Variants in VPS13D observed in about 807,000 individuals in gnomAD.
The protein encoded by VPS13D is intermembrane lipid transfer protein VPS13D.
A neutral mutation model predicts 461.9 loss-of-function variants in VPS13D; 187 were observed. The ratio of observed to expected loss-of-function variants is 0.40; its 90% CI spans 0.36 to 0.46. The LOEUF is 0.46. VPS13D is among the 20% of genes least tolerant of loss of function. The pLI, the probability that VPS13D is intolerant of heterozygous loss-of-function variation, is 0.60. For synonymous variants in VPS13D, 1,951 were observed against 1,986.3 expected (o/e 0.98, Z 0.47); for missense variants, 4,711 against 5,364.9 (o/e 0.88, Z 3.81).
Position 12,329,908 on chromosome 1 carries a change from T to C in VPS13D, c.8277T>C (p.Arg2759=). 1 of 1,613,536 alleles carries C rather than the reference T, an allele frequency of 6.2e-7. No homozygotes were observed. Among genetic ancestry groups the C allele is most frequent in the Non-Finnish European group, 8.5e-7 (1 of 1,179,708 alleles). ...CCCTTTCTGGAGATTATTATAACCG[T>C]GCTCTTTCAGGTCAGTATAAAGCAT... ...HFTLSGDYYN[R]ALSGWEPFIE... Residue 2759 remains arginine, a synonymous_variant, in exon 37 of 70, where the codon CGT becomes CGC. Coordinates refer to ENST00000620676, the MANE Select transcript of VPS13D (RefSeq NM_015378.4).
chr1:12,339,764 C>T (rs1002127142), intron 40 of VPS13D, among the ~76,000 whole-genome samples: 1 of 152,188 alleles, frequency 6.6e-6, no homozygotes, highest in South Asian at 2.1e-4. Flanking sequence ...AAGCCTGTGC[C>T]ATTATGTCTC....
intron 16 of VPS13D, among the ~76,000 whole-genome samples, chr1:12,269,129 TTTTCA>T: frequency 6.6e-6 from 1 of 152,362 alleles, no homozygotes; most frequent in South Asian, 2.1e-4. Context: ...TTTTTCATAC[TTTTCA>T]TTTCTGTTTT....
At chr1:12,425,826 G>GT (rs1039117268) in intron 65 of VPS13D, among the ~76,000 whole-genome samples, 3 of 152,050 alleles carry the variant, frequency 2.0e-5, no homozygotes, top group African/African-American at 7.2e-5. Flanking sequence ...GGAGCTAGAA[G>GT]TTTTCAAAAA....
intron 3 of VPS13D, 45 bp downstream of exon 3, chr1:12,242,635 G>T: frequency 6.5e-7 from 1 of 1,535,404 alleles, no homozygotes. Context: ...GTCTTAAATT[G>T]TTTGAGAGGT....
Position 12,349,329 on chromosome 1 carries a change from A to G in VPS13D, c.9386A>G (p.Lys3129Arg). ...VVKTAEISSS[K>R]RECHSMDTEK... ...AAGACTGCAGAAATTAGTAGCAGTA[A>G]ACGAGAGTGCCACTCTATGGACACA... is the stretch of plus-strand genomic sequence containing the variant. Residue 3129 changes from lysine (K) to arginine (R), a missense_variant, in exon 46 of 70, where the codon AAA becomes AGA. Physicochemically the swap from Lys to Arg is conservative, Grantham distance 26. Transcript: ENST00000620676. 1 of 1,614,210 alleles carries G rather than the reference A, an allele frequency of 6.2e-7. No homozygotes were observed. Among genetic ancestry groups the G allele is most frequent in the African/African-American group, 1.3e-5 (1 of 75,038 alleles).
intron 68 of VPS13D, chr1:12,499,898 A>T: frequency 1.0e-6 from 1 of 985,430 alleles, no homozygotes; most frequent in African/African-American, 1.7e-5. Flanking sequence ...GCGCCAAATT[A>T]TACCTCTGAC....
intron 60 of VPS13D, among the ~76,000 whole-genome samples, chr1:12,396,087 A>G (rs1163632441): frequency 6.7e-5 from 10 of 149,450 alleles, no homozygotes; most frequent in Non-Finnish European, 1.5e-4. Flanking sequence ...GGAGAAAAAG[A>G]GAAGACATAG....
intron 57 of VPS13D, among the ~76,000 whole-genome samples, chr1:12,382,024 CCTTTCTTTCT>C (rs1644288927): frequency 7.0e-6 from 1 of 142,154 alleles, no homozygotes; most frequent in Non-Finnish European, 1.5e-5. Flanking sequence ...TTCCTTCCTT[CCTTTCTTTCT>C]CTTTCTTTCT....
At chr1:12,386,389 A>G (rs1016591771) in intron 60 of VPS13D, 55 bp downstream of exon 60, 30 of 1,520,610 alleles carry the variant, frequency 2.0e-5, no homozygotes, top group African/African-American at 2.8e-5. Context: ...TGATCACCCA[A>G]CCAGATCTAA....
At position 12,509,206 on chromosome 1, in the gene VPS13D, C is replaced by A; in HGVS notation, c.*182C>A. ...ATGGAAATCGTATTAATTTGTGAGG[C>A]AGGGAGTTATTTTAGATTATGGGAA... is the stretch of plus-strand genomic sequence containing the variant. On this transcript the variant is annotated 3_prime_UTR_variant, in exon 70 of 70. Transcript: ENST00000620676. 1.4e-6 allele frequency: 1 copy of A among 697,518 alleles called. No homozygotes were observed. Among genetic ancestry groups the A allele is most frequent in the Non-Finnish European group, 2.2e-6 (1 of 452,862 alleles). 43.2% of individuals were successfully genotyped at this position (697,518 alleles called of 1,614,324 possible).
chr1:12,436,326 G>C (rs535896788), intron 65 of VPS13D, among the ~76,000 whole-genome samples: 37 of 152,360 alleles, frequency 2.4e-4, no homozygotes, highest in African/African-American at 8.7e-4. Context: ...AGTCCAAGGA[G>C]ATGCTTGCCA....
intron 2 of VPS13D, among the ~76,000 whole-genome samples, chr1:12,235,880 A>G (rs756697626): frequency 1.4e-4 from 21 of 152,250 alleles, no homozygotes; most frequent in Non-Finnish European, 2.4e-4. Context: ...CGTATAGATA[A>G]CAGGGCCTAG....
intron 26 of VPS13D, 94 bp downstream of exon 26, chr1:12,304,822 A>G (rs964765958): frequency 1.6e-6 from 2 of 1,230,982 alleles, no homozygotes; most frequent in African/African-American, 1.5e-5. Flanking sequence ...GTTCAAGCAA[A>G]TGTTAACGAA....
chr1:12,249,523 A>C, intron 6 of VPS13D, 184 bp downstream of exon 6: 1 of 472,556 alleles, frequency 2.1e-6, no homozygotes, highest in East Asian at 3.6e-5. Context: ...GAAACAGGTA[A>C]TTTTCTCTGA....
At chr1:12,282,593 G>C in intron 20 of VPS13D, 112 bp from the exon 21 acceptor site, 1 of 1,031,802 alleles carries the variant, frequency 9.7e-7, no homozygotes, top group East Asian at 2.4e-5. Flanking sequence ...TTTGCTATCA[G>C]GTAACTTACA....
intron 60 of VPS13D, 74 bp downstream of exon 60, chr1:12,386,408 G>A: frequency 6.8e-7 from 1 of 1,460,082 alleles, no homozygotes; most frequent in South Asian, 1.4e-5. Context: ...AATGTTTGAT[G>A]TTCTAAGAAC....
chr1:12,411,968 G>A (rs1230159432), intron 63 of VPS13D, among the ~76,000 whole-genome samples: 12 of 152,172 alleles, frequency 7.9e-5, no homozygotes, highest in African/African-American at 2.7e-4. Flanking sequence ...TATATCTCTC[G>A]CATCCTATTG....
In VPS13D at chr1:12,460,241, G is replaced by A. The variant is rs1263334689; in HGVS notation, c.12507G>A (p.Val4169=). Residue 4169 remains valine, a synonymous_variant, in exon 67 of 70, where the codon GTG becomes GTA. Coordinates refer to ENST00000620676, the MANE Select transcript of VPS13D (RefSeq NM_015378.4). The part of the protein sequence containing the change: ...GGLTSVITST[V]EGVKTEGGVS... ...TGACCAGTGTTATAACTTCGACAGT[G>A]GAAGGTGTGAAAACAGAAGGGGGTG... is the stretch of plus-strand genomic sequence containing the variant. The A allele has an allele frequency of 1.2e-6, 2 of 1,610,430 alleles. No individual in the cohort carries two copies. Among genetic ancestry groups the A allele is most frequent in the South Asian group, 2.2e-5 (2 of 90,370 alleles).
chr1:12,338,441 C>G lies in VPS13D; in HGVS notation c.8626+136C>G, dbSNP rs148957050. On this transcript the variant is annotated intron_variant, in intron 40 of 69. Coordinates refer to ENST00000620676, the MANE Select transcript of VPS13D (RefSeq NM_015378.4). ...TGAGTACTTTAGTAATAGGAAAGAA[C>G]ATTTCCAACTGATGAACAGAGTGGT... is the stretch of plus-strand genomic sequence containing the variant. 1,643 of 708,506 alleles carry G rather than the reference C, an allele frequency of 2.3e-3. 6 individuals are homozygous for G. Among genetic ancestry groups the G allele is most frequent in the Non-Finnish European group, 3.4e-3 (1,385 of 410,374 alleles). 43.9% of individuals were successfully genotyped at this position (708,506 alleles called of 1,614,324 possible). A position where few individuals can be genotyped will look rare whatever the true frequency, so the allele number is the denominator to read the frequency against.
Sources: gnomAD v4.1 joint callset for allele counts (sites outside exome capture counted in the v4.1 genomes callset) on GRCh38, gnomAD v4.1.1 for gene constraint, MANE v1.5 for transcripts, NCBI Gene and HGNC (gene_info 2026-07-23, HGNC 2026-07-21) for gene names.